The following RREB1 variants were observed in gnomAD, a reference collection of about 807,000 sequenced individuals.
RREB1 encodes ras responsive element binding protein 1.
A neutral mutation model predicts 117.8 loss-of-function variants in RREB1; 27 were observed. The ratio of observed to expected loss-of-function variants is 0.23; its 90% confidence interval spans 0.17 to 0.32. The LOEUF (loss-of-function observed/expected upper bound fraction) is 0.32, where lower values mean the gene tolerates loss of function less well. Ranked by LOEUF, RREB1 falls within the 10% of genes least tolerant of loss-of-function variation. The pLI is 1.00. For missense variants in RREB1, 2,577 were observed against 2,378.2 expected (o/e 1.08, Z -1.74); for synonymous variants, 1,298 against 1,026.7 (o/e 1.26, Z -5.05).
In RREB1 at chr6:7,164,619, T is replaced by C. The variant is rs142851078; in HGVS notation, c.-284-12036T>C. Among the ~76,000 whole-genome samples, 7 of 152,274 alleles carry C rather than the reference T, an allele frequency of 4.6e-5. No individual in the cohort carries two copies. The South Asian group carries it at 1.5e-3, about 32-fold the overall frequency. On this transcript the variant is annotated intron_variant, in intron 1 of 12. Transcript: ENST00000379938. ...AAGCACAGTCTCACAACCCTCTTGA[T>C]TGATGCACAAAAGAGTGGATTTTGC...
chr6:7,229,759 G>A lies in RREB1; in HGVS notation c.1660G>A (p.Val554Met), dbSNP rs1767807193. ...GCCCCTGAAGCTCCTCAAAGGCTCA[G>A]TGGAGGCGGCCTCCAACGCCCACCT... ...PPPLKLLKGS[V>M]EAASNAHLLQ... The change falls in exon 10 of 13, where the codon GTG (valine) becomes ATG (methionine). Residue 554 changes from valine (V) to methionine (M), a missense_variant. By Grantham distance (21) the Val-to-Met change is conservative. Transcript: ENST00000379938. This position sits in a 1 kb window ranked among gnomAD's most constrained non-coding sequence, Gnocchi z 4.5. 4 of 1,605,706 alleles carry A rather than the reference G, an allele frequency of 2.5e-6. No homozygotes were observed. The highest frequency in any genetic ancestry group is 3.4e-6 in the Non-Finnish European group (4 of 1,174,606).
Position 7,208,743 on chromosome 6 carries a change from C to T in RREB1, c.426-2061C>T, listed in dbSNP as rs569239644. Among the ~76,000 whole-genome samples the T allele has an allele frequency of 5.6e-4, 85 of 152,384 alleles. 1 individual carries two copies. Among genetic ancestry groups the T allele is most frequent in the African/African-American group, 2.0e-3 (84 of 41,592 alleles). ...GAGGTGGGAATGTTCTATGCCTGAG[C>T]TGTGGGCTCCTCACCCTCTTCACTT... On this transcript the variant is annotated intron_variant, in intron 6 of 12. Transcript: ENST00000379938.
intron 6 of RREB1, among the ~76,000 whole-genome samples, chr6:7,201,496 C>G (rs1264396592): frequency 8.0e-6 from 1 of 125,068 alleles, no homozygotes; most frequent in African/African-American, 3.8e-5. Flanking sequence ...CAACATTGTC[C>G]CCCCCCCCCA....
At chr6:7,189,067 T>A in intron 5 of RREB1, 92 bp from the exon 6 acceptor site, 1 of 1,285,586 alleles carries the variant, frequency 7.8e-7, no homozygotes, top group East Asian at 2.6e-5. Flanking sequence ...AGTTGATTGG[T>A]TTTTTTAATA....
chr6:7,123,787 A>G (rs533037279), intron 1 of RREB1, among the ~76,000 whole-genome samples: 13 of 151,372 alleles, frequency 8.6e-5, no homozygotes, highest in Non-Finnish European at 1.6e-4. Flanking sequence ...ATTTTTTTGT[A>G]TTTTTAATAG....
At position 7,251,356 on chromosome 6, in the gene RREB1, C is replaced by T. The variant is rs1465464285; in HGVS notation, c.*2388C>T. 6.6e-6 allele frequency: 1 copy of T among 151,988 alleles called. No individual in the cohort carries two copies. Among genetic ancestry groups the T allele is most frequent in the African/African-American group, 2.4e-5 (1 of 41,370 alleles). 9.4% of individuals were successfully genotyped at this position (151,988 alleles called of 1,614,324 possible). On this transcript the variant is annotated 3_prime_UTR_variant, in exon 13 of 13. Coordinates refer to ENST00000379938, the MANE Select transcript of RREB1 (RefSeq NM_001003699.4). ...TGTTTAAACTCTGGGTGAATCATAG[C>T]TTAGTTTGCATGTCCAGCTAATTTG...
intron 1 of RREB1, among the ~76,000 whole-genome samples, chr6:7,128,523 A>G (rs914309561): frequency 1.3e-5 from 2 of 152,220 alleles, no homozygotes; most frequent in African/African-American, 4.8e-5. Flanking sequence ...TTTTAAAGAC[A>G]GGAAACTGAG....
chr6:7,167,752 T>C (rs1764021391), intron 1 of RREB1, among the ~76,000 whole-genome samples: 2 of 152,324 alleles, frequency 1.3e-5, no homozygotes, highest in Non-Finnish European at 2.9e-5. Flanking sequence ...AGGGACTACC[T>C]GGAATGTTGG....
intron 1 of RREB1, among the ~76,000 whole-genome samples, chr6:7,121,853 G>A (rs1761695453): frequency 6.6e-6 from 1 of 152,128 alleles, no homozygotes; most frequent in South Asian, 2.1e-4. Context: ...AAGCTGGAGT[G>A]CAGGTGTGCT....
At chr6:7,119,364 G>A (rs1304233653) in intron 1 of RREB1, among the ~76,000 whole-genome samples, 2 of 151,966 alleles carry the variant, frequency 1.3e-5, no homozygotes, top group Admixed American at 1.3e-4. Flanking sequence ...AAAAAGAAAA[G>A]GACACGTGTT....
At chr6:7,141,790 G>GC (rs1561740730) in intron 1 of RREB1, among the ~76,000 whole-genome samples, 1 of 152,256 alleles carries the variant, frequency 6.6e-6, no homozygotes, top group Non-Finnish European at 1.5e-5. Context: ...AAGGAGCGGG[G>GC]CGTGTGTAGG....
chr6:7,150,877 C>T (rs1031664417), intron 1 of RREB1, among the ~76,000 whole-genome samples: 3 of 152,168 alleles, frequency 2.0e-5, no homozygotes, highest in African/African-American at 4.8e-5. Flanking sequence ...GCCGGGTAGG[C>T]GGAGCCTCAA....
In RREB1 at chr6:7,229,537, G is replaced by C. The variant is rs1292143610; in HGVS notation, c.1438G>C (p.Ala480Pro). The C allele has an allele frequency of 6.2e-7, 1 of 1,614,046 alleles. No homozygotes were observed. Among genetic ancestry groups the C allele is most frequent in the East Asian group, 2.2e-5 (1 of 44,880 alleles). The change falls in exon 10 of 13, where the codon GCT (alanine) becomes CCT (proline). Residue 480 changes from alanine (A) to proline (P), a missense_variant. Coordinates refer to ENST00000379938, the MANE Select transcript of RREB1 (RefSeq NM_001003699.4). The surrounding 1 kb of genome is among the most constrained non-coding windows in gnomAD (Gnocchi z 4.5). ...IQQILKMAAS[A>P]PPQISLPPFS... ...GCAAATTCTGAAGATGGCAGCCTCG[G>C]CTCCCCCTCAGATCAGTCTTCCGCC...
At position 7,225,385 on chromosome 6, in the gene RREB1, A is replaced by G. The variant is rs1022980406; in HGVS notation, c.708-1082A>G. Among the ~76,000 whole-genome samples the G allele has an allele frequency of 2.6e-5, 4 of 152,202 alleles. No individual in the cohort carries two copies. The East Asian group carries it at 7.7e-4, about 29-fold the overall frequency. On this transcript the variant is annotated intron_variant, in intron 8 of 12. Transcript: ENST00000379938. ...CTGAGGAACTTTAATTTAAATTTGA[A>G]TAGCTACATGTGGCTTTGGTGGCTA...
chr6:7,230,368 C>T lies in RREB1; in HGVS notation c.2269C>T (p.Leu757=), dbSNP rs757529166. ...CTGCGCCCCGGACACCGTGTGCCGGCTGTGCGGCGAGGACCTCAAGCACTA... is the reference window on the plus strand; with the variant it reads ...CTGCGCCCCGGACACCGTGTGCCGGTTGTGCGGCGAGGACCTCAAGCACTA... ...AFCAPDTVCR[L]CGEDLKHYRA... The change falls in exon 10 of 13, where the codon CTG becomes TTG. Residue 757 remains leucine (L), a synonymous_variant. Transcript: ENST00000379938. 2.5e-6 allele frequency: 4 copies of T among 1,592,070 alleles called. No homozygotes were observed. Among genetic ancestry groups the T allele is most frequent in the East Asian group, 2.2e-5 (1 of 44,660 alleles).
intron 1 of RREB1, among the ~76,000 whole-genome samples, chr6:7,173,713 G>A (rs928023197): frequency 5.1e-4 from 78 of 152,074 alleles, no homozygotes; most frequent in Non-Finnish European, 7.9e-4. Flanking sequence ...CCAGCTACCC[G>A]GGAGGCTTGA....
intron 1 of RREB1, among the ~76,000 whole-genome samples, chr6:7,164,521 T>C (rs190951251): frequency 1.5e-3 from 234 of 152,334 alleles, no homozygotes; most frequent in Middle Eastern, 0.01. Flanking sequence ...CTCCTACCCT[T>C]GTATGGCAGG....
chr6:7,223,052 C>G (rs999201745), intron 8 of RREB1, among the ~76,000 whole-genome samples: 8 of 151,898 alleles, frequency 5.3e-5, no homozygotes, highest in African/African-American at 1.9e-4. Flanking sequence ...CCCAGGAGTT[C>G]GAGACCAGCC....
intron 1 of RREB1, among the ~76,000 whole-genome samples, chr6:7,115,538 CA>C (rs1355126258): frequency 6.6e-6 from 1 of 152,128 alleles, no homozygotes; most frequent in Non-Finnish European, 1.5e-5. Context: ...GCTCTTTTTA[CA>C]TCTAAACCAG....
Sources: allele counts gnomAD v4.1 joint callset (sites outside exome capture counted in the v4.1 genomes callset), GRCh38; gene constraint gnomAD v4.1.1; non-coding constraint Gnocchi (gnomAD v3.1); transcripts MANE v1.5; gene names NCBI Gene and HGNC (gene_info 2026-07-23, HGNC 2026-07-21).